CALN1: variants seen among roughly 807,000 people sequenced by gnomAD.
The protein encoded by CALN1 is calcium-binding protein 8.
Under a neutral mutation model 30.6 loss-of-function variants are expected in CALN1, and 17 were observed. The ratio of observed to expected loss-of-function variants is 0.56; its 90% CI spans 0.38 to 0.83. The LOEUF is 0.83. CALN1 is among the 40% of genes least tolerant of loss of function. The probability of loss-of-function intolerance (pLI) is 0.00; values close to 1 mark genes in which losing one functional copy is unlikely to be tolerated. For missense variants in CALN1, 291 were observed against 354.9 expected, an observed-to-expected ratio of 0.82 and a Z score of 1.45; for synonymous variants, 156 against 131.4, an observed-to-expected ratio of 1.19 and a Z score of -1.28.
At chr7:72,418,349 T>C (rs1807491422) in intron 1 of CALN1, among the ~76,000 whole-genome samples, 1 of 152,244 alleles carries the variant, frequency 6.6e-6, no homozygotes, top group African/African-American at 2.4e-5. Flanking sequence ...GACCACATTT[T>C]CTTTATCCAA....
At chr7:71,906,807 G>C (rs536615533) in intron 5 of CALN1, among the ~76,000 whole-genome samples, 34 of 152,188 alleles carry the variant, frequency 2.2e-4, no homozygotes, top group African/African-American at 8.0e-4. Flanking sequence ...AACAGAAAGC[G>C]AGGAGTAAGA....
intron 5 of CALN1, among the ~76,000 whole-genome samples, chr7:71,851,014 A>C (rs1436835240): frequency 6.6e-6 from 1 of 152,074 alleles, no homozygotes; most frequent in Non-Finnish European, 1.5e-5. Flanking sequence ...GGAGGTCAAG[A>C]CCAGCCTGGG....
intron 3 of CALN1, among the ~76,000 whole-genome samples, chr7:72,194,629 G>A (rs1790862531): frequency 8.0e-6 from 1 of 125,470 alleles, no homozygotes; most frequent in South Asian, 2.7e-4. Context: ...GTCTTGCTCT[G>A]TCGCCAGGCT....
intron 2 of CALN1, among the ~76,000 whole-genome samples, chr7:72,367,048 AATGTT>A (rs979798043): frequency 2.1e-5 from 3 of 144,770 alleles, no homozygotes; most frequent in Non-Finnish European, 4.4e-5. Context: ...TCACAAATAT[AATGTT>A]GAGTCAAAGA....
chr7:72,489,868 C>T, the CALN1 span, among the ~76,000 whole-genome samples: 1 of 152,210 alleles, frequency 6.6e-6, no homozygotes, highest in Non-Finnish European at 1.5e-5. Context: ...GCTGCTGGGA[C>T]ATGTACCCCA....
chr7:72,451,949 ACTTG>A (rs1300842345), upstream of CALN1, among the ~76,000 whole-genome samples: 1 of 152,078 alleles, frequency 6.6e-6, no homozygotes. Context: ...TGGGAAGATC[ACTTG>A]AGCCCCAGGA....
At chr7:72,232,199 AG>A (rs1794155544) in intron 3 of CALN1, among the ~76,000 whole-genome samples, 1 of 152,182 alleles carries the variant, frequency 6.6e-6, no homozygotes, top group Non-Finnish European at 1.5e-5. Context: ...AGCTCCGGCA[AG>A]GGGTTTAGAT....
intron 5 of CALN1, among the ~76,000 whole-genome samples, chr7:71,855,991 A>T (rs1163871583): frequency 6.6e-6 from 1 of 152,146 alleles, no homozygotes; most frequent in Non-Finnish European, 1.5e-5. Flanking sequence ...ACACACATAC[A>T]TATACATATT....
In CALN1 at chr7:71,781,166, G is replaced by A. The variant is rs1486822714; in HGVS notation, c.*6609C>T. On this transcript the variant is annotated 3_prime_UTR_variant, in exon 7 of 7. Coordinates refer to ENST00000395275, the MANE Select transcript of CALN1 (RefSeq NM_031468.4). ...ACTCCATCTTGTTTCAGACAAAATA[G>A]ATGGGAGGGCTTGTCTGGTTTACTT... The A allele has an allele frequency of 6.6e-6, 1 of 152,226 alleles. No homozygotes were observed. Among genetic ancestry groups the A allele is most frequent in the Non-Finnish European group, 1.5e-5 (1 of 68,048 alleles). 9.4% of individuals were successfully genotyped at this position (152,226 alleles called of 1,614,324 possible).
At position 72,287,435 on chromosome 7, in the gene CALN1, A is replaced by ATTTTTTT. The variant is rs71069052; in HGVS notation, c.120-8632_120-8626dup. ...AAATCCATACACATACACCAAATTA[A>ATTTTTTT]TTTTTTTTTTTTTTTTTTTTTTTTT... On this transcript the variant is annotated intron_variant, in intron 2 of 6. Transcript: ENST00000395275. Among the ~76,000 whole-genome samples, 34 of 68,094 alleles carry ATTTTTTT rather than the reference A, an allele frequency of 5.0e-4. 2 individuals carry two copies. Among genetic ancestry groups the ATTTTTTT allele is most frequent in the African/African-American group, 1.2e-3 (20 of 16,656 alleles). The allele number at this position is 68,094 out of a possible 152,430, so 44.7% of individuals were successfully genotyped here. A position where few individuals can be genotyped will look rare whatever the true frequency, so the allele number is the denominator to read the frequency against.
At chr7:71,897,994 AGAGAGAGAGGGAGGGAGGGGGGGGG>A (rs1793631418) in intron 5 of CALN1, among the ~76,000 whole-genome samples, 1 of 75,040 alleles carries the variant, frequency 1.3e-5, no homozygotes, top group African/African-American at 5.6e-5. Context: ...AAAAAAAAAG[AGAGAGAGAGGGAGGGAGGGGGGGGG>A]AGAGAGAGAG....
intron 5 of CALN1, among the ~76,000 whole-genome samples, chr7:71,994,134 T>C (rs1007540616): frequency 6.6e-6 from 1 of 152,160 alleles, no homozygotes; most frequent in Non-Finnish European, 1.5e-5. Context: ...TTAAAAATTT[T>C]ATGAGATTAA....
chr7:72,047,473 C>A (rs1393122825), intron 4 of CALN1, among the ~76,000 whole-genome samples: 2 of 152,056 alleles, frequency 1.3e-5, no homozygotes, highest in East Asian at 1.9e-4. Flanking sequence ...CCTGTAGTCC[C>A]AGCTACTTGG....
At chr7:71,856,869 C>T (rs1035813268) in intron 5 of CALN1, among the ~76,000 whole-genome samples, 5 of 152,034 alleles carry the variant, frequency 3.3e-5, no homozygotes, top group Admixed American at 1.3e-4. Context: ...GTGGAAGGGT[C>T]GCTTCAACCT....
At chr7:72,079,554 C>T (rs1441561512) in intron 4 of CALN1, among the ~76,000 whole-genome samples, 2 of 152,032 alleles carry the variant, frequency 1.3e-5, no homozygotes, top group Admixed American at 6.6e-5. Flanking sequence ...ATTACTCTCG[C>T]ACCAACCTAA....
chr7:71,842,388 G>A (rs572408047), intron 5 of CALN1, among the ~76,000 whole-genome samples: 2 of 152,292 alleles, frequency 1.3e-5, no homozygotes, highest in Admixed American at 1.3e-4. Context: ...GATCGCTGCC[G>A]TTTTGTCTGG....
At chr7:72,341,780 A>C (rs1036047543) in intron 2 of CALN1, among the ~76,000 whole-genome samples, 7 of 152,194 alleles carry the variant, frequency 4.6e-5, no homozygotes, top group Non-Finnish European at 7.3e-5. Context: ...ATTAAATGTG[A>C]CTATGTGAAA....
intron 3 of CALN1, among the ~76,000 whole-genome samples, chr7:72,123,402 C>G (rs893689631): frequency 6.6e-6 from 1 of 152,212 alleles, no homozygotes; most frequent in African/African-American, 2.4e-5. Context: ...AACTCCTCTT[C>G]TGTTGTGTGA....
At position 71,799,455 on chromosome 7, in the gene CALN1, TTAGTTAGTTAGTTAG is replaced by T. The variant is rs1278750647; in HGVS notation, c.658+10866_658+10880del. 8.9e-3 allele frequency among the ~76,000 whole-genome samples: 905 copies of T among 102,192 alleles called. 6 individuals are homozygous for T. Among genetic ancestry groups the T allele is most frequent in the African/African-American group, 0.035 (854 of 24,432 alleles). The allele number at this position is 102,192 out of a possible 152,430, so 67.0% of individuals were successfully genotyped here. A position where few individuals can be genotyped will look rare whatever the true frequency, so the allele number is the denominator to read the frequency against. ...TTTATTTATTTATTTATTTATTTAGTTAGTTAGTTAGTTAGTTAGTTAGTTTTTGAGACAGAGTCT... is the reference window on the plus strand; with the variant it reads ...TTTATTTATTTATTTATTTATTTAGTTTAGTTAGTTTTTGAGACAGAGTCT... On this transcript the variant is annotated intron_variant, in intron 6 of 6. Coordinates refer to ENST00000395275, the MANE Select transcript of CALN1 (RefSeq NM_031468.4).
Sources: allele counts gnomAD v4.1 joint callset (sites outside exome capture counted in the v4.1 genomes callset), GRCh38; gene constraint gnomAD v4.1.1; transcripts MANE v1.5; gene names NCBI Gene and HGNC (gene_info 2026-07-23, HGNC 2026-07-21).